The following SGPP2 variants were observed in gnomAD, a reference collection of about 807,000 sequenced individuals.
SGPP2 encodes sphingosine-1-phosphate phosphatase 2.
A neutral mutation model predicts 33.9 loss-of-function variants in SGPP2; 30 were observed. That is an observed-to-expected ratio of 0.89 (90% CI 0.66 to 1.20). The LOEUF (loss-of-function observed/expected upper bound fraction) is 1.20. SGPP2 is among the 50% of genes most tolerant of loss of function. The pLI, the probability that SGPP2 is intolerant of heterozygous loss-of-function variation, is 0.00. For synonymous variants in SGPP2, 233 were observed against 225.0 expected (o/e 1.04, Z -0.32); for missense variants, 458 against 532.1 (o/e 0.86, Z 1.37).
chr2:222,513,807 C>A (rs1367934558), intron 2 of SGPP2, among the ~76,000 whole-genome samples: 1 of 151,794 alleles, frequency 6.6e-6, no homozygotes, highest in Non-Finnish European at 1.5e-5. Flanking sequence ...CTGGAAGAGG[C>A]AAAGAAAGGA....
At chr2:222,526,480 T>C (rs2106137640) in intron 4 of SGPP2, among the ~76,000 whole-genome samples, 1 of 152,326 alleles carries the variant, frequency 6.6e-6, no homozygotes, top group South Asian at 2.1e-4. Flanking sequence ...CTCTATTTGC[T>C]ACACTGCCAC....
chr2:222,503,374 AT>A (rs1698395824), intron 2 of SGPP2, among the ~76,000 whole-genome samples: 1 of 152,202 alleles, frequency 6.6e-6, no homozygotes, highest in Non-Finnish European at 1.5e-5. Flanking sequence ...AGCATGGTGA[AT>A]TCTTGTTTTA....
At chr2:222,453,002 C>CA (rs1398290973) in intron 1 of SGPP2, 1 of 1,585,002 alleles carries the variant, frequency 6.3e-7, no homozygotes, top group African/African-American at 1.3e-5. Context: ...TGGAAGAGAA[C>CA]ACAGTTCTGG....
chr2:222,456,299 A>T lies in SGPP2; in HGVS notation c.220-18269A>T, dbSNP rs565799631. Among the ~76,000 whole-genome samples, 3 of 152,196 alleles carry T rather than the reference A, an allele frequency of 2.0e-5. No homozygotes were observed. In the South Asian group the frequency reaches 6.2e-4, roughly 32 times the overall value. On this transcript the variant is annotated intron_variant, in intron 1 of 4. Transcript: ENST00000321276. Reference sequence around the variant, plus strand: ...CAGACTCTCCCATTCCACACATCTAATGTAAATTTTGTGTGATGATGGACA... The same window carrying T: ...CAGACTCTCCCATTCCACACATCTATTGTAAATTTTGTGTGATGATGGACA...
intron 4 of SGPP2, among the ~76,000 whole-genome samples, chr2:222,549,879 TTTTC>T (rs1262528859): frequency 6.6e-6 from 1 of 151,016 alleles, no homozygotes; most frequent in Non-Finnish European, 1.5e-5. Context: ...TTTTCTTTTC[TTTTC>T]TTTTTTTTTT....
At chr2:222,464,052 T>C (rs564391632) in intron 1 of SGPP2, among the ~76,000 whole-genome samples, 20 of 152,262 alleles carry the variant, frequency 1.3e-4, no homozygotes, top group African/African-American at 4.8e-4. Context: ...ATCATACAGC[T>C]CTTCCAAGTA....
chr2:222,556,405 C>G (rs184689300), intron 4 of SGPP2, among the ~76,000 whole-genome samples: 54 of 151,728 alleles, frequency 3.6e-4, no homozygotes, highest in Middle Eastern at 6.8e-3. Context: ...GGTCAGGACA[C>G]TCAACTCTTC....
chr2:222,494,763 G>A (rs1356696368), intron 2 of SGPP2, among the ~76,000 whole-genome samples: 2 of 152,166 alleles, frequency 1.3e-5, no homozygotes, highest in African/African-American at 4.8e-5. Context: ...AATGAGAGCA[G>A]GATTTAAACA....
At chr2:222,494,081 A>G (rs1574859966) in intron 2 of SGPP2, among the ~76,000 whole-genome samples, 1 of 152,118 alleles carries the variant, frequency 6.6e-6, no homozygotes, top group Non-Finnish European at 1.5e-5. Context: ...TAACTTCAAA[A>G]CCACCAAACT....
chr2:222,532,375 C>G (rs569324946), intron 4 of SGPP2, among the ~76,000 whole-genome samples: 1 of 152,328 alleles, frequency 6.6e-6, no homozygotes, highest in South Asian at 2.1e-4. Context: ...AAATAATTTG[C>G]TTATCCCGCC....
intron 1 of SGPP2, among the ~76,000 whole-genome samples, chr2:222,471,484 A>T (rs1697841083): frequency 6.6e-6 from 1 of 152,044 alleles, no homozygotes; most frequent in Non-Finnish European, 1.5e-5. Flanking sequence ...TACAACAATG[A>T]TCCTTTAAAA....
At chr2:222,453,493 A>G (rs1020486817) in intron 1 of SGPP2, among the ~76,000 whole-genome samples, 10 of 151,962 alleles carry the variant, frequency 6.6e-5, no homozygotes, top group African/African-American at 2.4e-4. Flanking sequence ...TCAATGACAG[A>G]TTTTCTTCCA....
At chr2:222,448,330 G>C (rs990509910) in intron 1 of SGPP2, among the ~76,000 whole-genome samples, 4 of 152,176 alleles carry the variant, frequency 2.6e-5, no homozygotes, top group Non-Finnish European at 5.9e-5. Flanking sequence ...CAAAAGGACT[G>C]TACCCCACCA....
At chr2:222,435,764 A>C (rs149539618) in intron 1 of SGPP2, among the ~76,000 whole-genome samples, 76 of 152,370 alleles carry the variant, frequency 5.0e-4, no homozygotes, top group African/African-American at 1.8e-3. Context: ...ATGTTTTAAC[A>C]AAAGAATAAG....
intron 4 of SGPP2, among the ~76,000 whole-genome samples, chr2:222,548,609 A>G (rs1689241609): frequency 6.6e-6 from 1 of 151,992 alleles, no homozygotes; most frequent in South Asian, 2.1e-4. Context: ...CATTCGTATC[A>G]GGCGATTCTA....
intron 1 of SGPP2, among the ~76,000 whole-genome samples, chr2:222,468,846 A>C (rs1301572717): frequency 6.6e-6 from 1 of 152,200 alleles, no homozygotes; most frequent in African/African-American, 2.4e-5. Context: ...TTAATACTCC[A>C]ATATCAGCAA....
rs1240871655 is a variant in SGPP2 at position 222,559,587 on chromosome 2, G to A, written c.*689G>A. 1 of 152,558 alleles carries A rather than the reference G, an allele frequency of 6.6e-6. No individual in the cohort carries two copies. The highest frequency in any genetic ancestry group is 1.5e-5 in the Non-Finnish European group (1 of 68,398). The allele number at this position is 152,558 out of a possible 1,614,324, so 9.5% of individuals were successfully genotyped here. ...AGCAATCCTCCTGCCTGAGCCAACTGAGTAGCTGGGACTGTAAGCATAGAC... is the reference window on the plus strand; with the variant it reads ...AGCAATCCTCCTGCCTGAGCCAACTAAGTAGCTGGGACTGTAAGCATAGAC... On this transcript the variant is annotated 3_prime_UTR_variant, in exon 5 of 5. Transcript: ENST00000321276.
chr2:222,452,620 A>C, intron 1 of SGPP2: 1 of 1,351,334 alleles, frequency 7.4e-7, no homozygotes, highest in Non-Finnish European at 1.1e-6. Context: ...TTGTTCCAGA[A>C]CTGGGTGCAC....
At chr2:222,439,130 G>A (rs1697287762) in intron 1 of SGPP2, among the ~76,000 whole-genome samples, 1 of 152,184 alleles carries the variant, frequency 6.6e-6, no homozygotes, top group Non-Finnish European at 1.5e-5. Context: ...TCAGCTCAGA[G>A]TCAGTGTCCA....
Sources: allele counts gnomAD v4.1 joint callset (sites outside exome capture counted in the v4.1 genomes callset), GRCh38; gene constraint gnomAD v4.1.1; transcripts MANE v1.5; gene names NCBI Gene and HGNC (gene_info 2026-07-23, HGNC 2026-07-21).